The following SVIL variants were observed in gnomAD, a reference collection of about 807,000 sequenced individuals.
SVIL encodes the protein supervillin.
SVIL carries 101 observed loss-of-function variants against 240.4 expected under a neutral mutation model. That is an observed-to-expected ratio of 0.42 (90% CI 0.36 to 0.50). SVIL has a LOEUF of 0.50. Ranked by LOEUF, SVIL falls within the 20% of genes least tolerant of loss-of-function variation. The probability of loss-of-function intolerance (pLI) is 0.01; values close to 1 mark genes in which losing one functional copy is unlikely to be tolerated. For missense variants in SVIL, 2,512 were observed against 2,818.7 expected (o/e 0.89, Z 2.46); for synonymous variants, 999 against 1,100.0 (o/e 0.91, Z 1.82).
intron 1 of SVIL, among the ~76,000 whole-genome samples, chr10:29,700,015 T>A (rs2132640557): frequency 6.6e-6 from 1 of 152,342 alleles, no homozygotes; most frequent in East Asian, 1.9e-4. Flanking sequence ...AGGACAGAAT[T>A]GGTTTTTTTC....
At chr10:29,469,450 T>C (rs1279686128) in intron 32 of SVIL, among the ~76,000 whole-genome samples, 1 of 152,216 alleles carries the variant, frequency 6.6e-6, no homozygotes, top group Non-Finnish European at 1.5e-5. Flanking sequence ...TAGGAAGCTC[T>C]TCACTTTTCC....
chr10:29,729,897 G>GT (rs1381951091), intron 1 of SVIL, among the ~76,000 whole-genome samples: 1 of 143,984 alleles, frequency 6.9e-6, no homozygotes, highest in Non-Finnish European at 1.5e-5. Flanking sequence ...ACTTAGAAAC[G>GT]TAACATGATG....
intron 1 of SVIL, among the ~76,000 whole-genome samples, chr10:29,624,792 T>G (rs1957802912): frequency 6.6e-6 from 1 of 152,358 alleles, no homozygotes. Context: ...CACGGTAATT[T>G]GTTCTCCACA....
chr10:29,668,617 G>A (rs926669364), intron 2 of SVIL, among the ~76,000 whole-genome samples: 3 of 152,118 alleles, frequency 2.0e-5, no homozygotes, highest in Admixed American at 2.0e-4. Context: ...GGGACTACAG[G>A]CACGTGCTAC....
At chr10:29,558,780 T>C (rs187710257) in intron 3 of SVIL, among the ~76,000 whole-genome samples, 4 of 151,062 alleles carry the variant, frequency 2.6e-5, no homozygotes, top group Non-Finnish European at 5.9e-5. Flanking sequence ...TACAAAAAAT[T>C]AGCCAGGCCT....
chr10:29,529,537 T>C (rs1951202128), intron 12 of SVIL, among the ~76,000 whole-genome samples, 168 bp downstream of exon 12: 1 of 152,200 alleles, frequency 6.6e-6, no homozygotes, highest in Non-Finnish European at 1.5e-5. Flanking sequence ...CACATCCCAT[T>C]ACAAAGTTTA....
chr10:29,457,993 T>C lies in SVIL; in HGVS notation c.*254A>G, dbSNP rs768772134. On this transcript the variant is annotated 3_prime_UTR_variant, in exon 38 of 38. Transcript: ENST00000355867. ...AGTGCTATCTATAGCAGCTGCGGCT[T>C]AAGTGCACATAACAGATACTTTTAT... 99 of 357,314 alleles carry C rather than the reference T, an allele frequency of 2.8e-4. 1 individual carries two copies. Among genetic ancestry groups the C allele is most frequent in the Middle Eastern group, 1.5e-3 (2 of 1,326 alleles). The allele number at this position is 357,314 out of a possible 1,614,324, so 22.1% of individuals were successfully genotyped here.
intron 3 of SVIL, among the ~76,000 whole-genome samples, chr10:29,648,017 AAG>A (rs1219672383): frequency 2.6e-5 from 4 of 151,802 alleles, no homozygotes; most frequent in African/African-American, 7.2e-5. Context: ...AAAAAAAAAA[AAG>A]AGAGAATGAT....
intron 1 of SVIL, among the ~76,000 whole-genome samples, chr10:29,727,614 G>C (rs1027112229): frequency 6.6e-6 from 1 of 151,942 alleles, no homozygotes; most frequent in African/African-American, 2.4e-5. Context: ...ACTGCTACTG[G>C]GGCAAGAAAA....
intron 1 of SVIL, among the ~76,000 whole-genome samples, chr10:29,569,939 C>T (rs1765457002): frequency 1.3e-5 from 2 of 152,220 alleles, no homozygotes; most frequent in East Asian, 1.9e-4. Flanking sequence ...AAACCAGGCA[C>T]AGACAAAATT....
At chr10:29,644,966 T>G (rs1326477822) in intron 3 of SVIL, among the ~76,000 whole-genome samples, 1 of 151,728 alleles carries the variant, frequency 6.6e-6, no homozygotes, top group East Asian at 1.9e-4. Flanking sequence ...AAGACTGATT[T>G]CTGGGGTAGG....
chr10:29,638,197 C>A (rs900343577), upstream of SVIL, among the ~76,000 whole-genome samples: 10 of 152,274 alleles, frequency 6.6e-5, 1 homozygote, highest in African/African-American at 2.4e-4. Flanking sequence ...CGGGGTGGCT[C>A]ACACCTGTAA....
chr10:29,549,170 A>G (rs867710001), intron 6 of SVIL, among the ~76,000 whole-genome samples: 1 of 103,230 alleles, frequency 9.7e-6, no homozygotes, highest in African/African-American at 4.2e-5. Context: ...AAATTTACAA[A>G]AAAAAAAACA....
intron 35 of SVIL, 21 bp from the exon 36 acceptor site, chr10:29,462,422 A>G (rs765786278): frequency 6.2e-7 from 1 of 1,613,190 alleles, no homozygotes; most frequent in Non-Finnish European, 8.5e-7. Context: ...ACAGATTGCA[A>G]TGTCAGTAGA....
chr10:29,516,621 C>T (rs1950219577), intron 16 of SVIL, among the ~76,000 whole-genome samples: 1 of 152,250 alleles, frequency 6.6e-6, no homozygotes, highest in Admixed American at 6.5e-5. Context: ...CTTCTAACAA[C>T]TGCCAAGCCA....
intron 1 of SVIL, among the ~76,000 whole-genome samples, chr10:29,598,317 C>T (rs754490071): frequency 6.6e-6 from 1 of 152,074 alleles, no homozygotes; most frequent in East Asian, 1.9e-4. Flanking sequence ...TGTGGATATA[C>T]TGATATTTAA....
intron 23 of SVIL, 60 bp downstream of exon 23, chr10:29,488,541 G>A (rs757733508): frequency 1.0e-5 from 15 of 1,475,460 alleles, no homozygotes; most frequent in South Asian, 2.9e-5. Context: ...TCAGGACTCC[G>A]TATGGGACCA....
At chr10:29,495,771 T>A (rs562028917) in intron 18 of SVIL, among the ~76,000 whole-genome samples, 1 of 152,124 alleles carries the variant, frequency 6.6e-6, no homozygotes, top group Non-Finnish European at 1.5e-5. Flanking sequence ...TTTCCTAGTA[T>A]ATTTACCGAG....
intron 16 of SVIL, among the ~76,000 whole-genome samples, chr10:29,516,848 T>C (rs199928740): frequency 1.3e-3 from 197 of 152,260 alleles, no homozygotes; most frequent in Admixed American, 2.2e-3. Flanking sequence ...ACCCTGCTTG[T>C]TGAGAACAAG....
Sources: allele counts gnomAD v4.1 joint callset (sites outside exome capture counted in the v4.1 genomes callset), GRCh38; gene constraint gnomAD v4.1.1; transcripts MANE v1.5; gene names NCBI Gene and HGNC (gene_info 2026-07-23, HGNC 2026-07-21).